SH3D19: variants seen among roughly 807,000 people sequenced by gnomAD.
SH3D19 encodes the protein SH3 domain-containing protein 19.
Under a neutral mutation model 112.1 loss-of-function variants are expected in SH3D19, and 58 were observed. The ratio of observed to expected loss-of-function variants is 0.52; its 90% CI spans 0.42 to 0.64. SH3D19 has a LOEUF of 0.64. Ranked by LOEUF, SH3D19 falls within the 30% of genes least tolerant of loss-of-function variation. SH3D19 has a pLI of 0.00. For synonymous variants in SH3D19, 391 were observed against 448.5 expected (o/e 0.87, Z 1.62); for missense variants, 1,090 against 1,263.4 (o/e 0.86, Z 2.08).
chr4:151,226,456 C>T (rs1402025438), intron 1 of SH3D19: 3 of 993,208 alleles, frequency 3.0e-6, no homozygotes, highest in East Asian at 2.1e-4. Flanking sequence ...AAAATCATTC[C>T]ATGAATCATG....
chr4:151,294,537 G>A (rs527287114), intron 1 of SH3D19, among the ~76,000 whole-genome samples: 80 of 152,344 alleles, frequency 5.3e-4, no homozygotes, highest in African/African-American at 1.8e-3. Flanking sequence ...CCAGGGGGTG[G>A]TGGGGCAGTT....
At position 151,176,573 on chromosome 4, in the gene SH3D19, T is replaced by C. The variant is rs1579973992; in HGVS notation, c.490A>G (p.Thr164Ala). Residue 164 changes from threonine to alanine, a missense_variant, in exon 6 of 20, where the codon ACT (threonine) becomes GCT (alanine). Physicochemically the swap from Thr to Ala is moderately conservative, Grantham distance 58. Transcript: ENST00000604030. ...TTGTCTATTTCTTCTGAAAAGTCAG[T>C]CTGAGTTGCAGAAGTAATAGTGTGC... is the stretch of plus-strand genomic sequence containing the variant. Reference protein sequence around the residue: ...PRHTITSATQTDFSEEIDNDL... With the variant: ...PRHTITSATQADFSEEIDNDL... The C allele has an allele frequency of 8.1e-7, 1 of 1,232,152 alleles. No homozygotes were observed. The highest frequency in any genetic ancestry group is 3.2e-5 in the East Asian group (1 of 31,708). 76.3% of individuals were successfully genotyped at this position (1,232,152 alleles called of 1,614,324 possible).
intron 9 of SH3D19, 122 bp downstream of exon 9, chr4:151,159,118 T>G: frequency 1.9e-6 from 1 of 520,498 alleles, no homozygotes; most frequent in Non-Finnish European, 3.3e-6. Context: ...GAGACTGGTC[T>G]CTAATAGAGG....
At chr4:151,249,890 AT>A (rs1282693843) in intron 1 of SH3D19, among the ~76,000 whole-genome samples, 1 of 152,190 alleles carries the variant, frequency 6.6e-6, no homozygotes, top group Admixed American at 6.5e-5. Flanking sequence ...ATATATTCCT[AT>A]TTTCTAATTC....
intron 19 of SH3D19, among the ~76,000 whole-genome samples, chr4:151,122,963 T>A (rs529399657): frequency 2.0e-5 from 3 of 150,310 alleles, no homozygotes; most frequent in African/African-American, 7.3e-5. Context: ...ACAATTCTCC[T>A]GCCTTAGCCT....
chr4:151,296,989 T>C (rs1775757333), intron 1 of SH3D19, among the ~76,000 whole-genome samples: 1 of 152,238 alleles, frequency 6.6e-6, no homozygotes. Context: ...CGACAGTGAA[T>C]GTTTTCTTTT....
chr4:151,234,931 G>A (rs1286889707), intron 1 of SH3D19, among the ~76,000 whole-genome samples: 1 of 151,284 alleles, frequency 6.6e-6, no homozygotes, highest in Non-Finnish European at 1.5e-5. Flanking sequence ...TTTTTTTCTT[G>A]TAGACATGGA....
chr4:151,289,909 A>G (rs1775156677), intron 1 of SH3D19, among the ~76,000 whole-genome samples: 1 of 152,198 alleles, frequency 6.6e-6, no homozygotes, highest in Non-Finnish European at 1.5e-5. Flanking sequence ...GGGAGACCCC[A>G]TCTCTAAATA....
chr4:151,192,859 C>T (rs1762855401), intron 2 of SH3D19, among the ~76,000 whole-genome samples: 1 of 152,090 alleles, frequency 6.6e-6, no homozygotes, highest in Non-Finnish European at 1.5e-5. Context: ...ACAAATCCCA[C>T]AAAAAAGTTC....
At chr4:151,189,983 G>A (rs1033837972) in intron 2 of SH3D19, among the ~76,000 whole-genome samples, 8 of 152,282 alleles carry the variant, frequency 5.3e-5, no homozygotes, top group African/African-American at 1.9e-4. Flanking sequence ...CCAAAATGCT[G>A]ATAATGATAT....
chr4:151,305,177 A>G (rs1460023224), intron 1 of SH3D19, among the ~76,000 whole-genome samples: 1 of 152,256 alleles, frequency 6.6e-6, no homozygotes, highest in Non-Finnish European at 1.5e-5. Flanking sequence ...CTGTTACATT[A>G]TAATATTCAA....
intron 2 of SH3D19, among the ~76,000 whole-genome samples, chr4:151,214,638 AC>A (rs770627876): frequency 0.61 from 11,903 of 19,484 alleles, 4,311 homozygotes; most frequent in Non-Finnish European, 0.85. Flanking sequence ...CGGGGGGCTG[AC>A]CCCCCCCACC....
chr4:151,125,382 T>A (rs1748980732), intron 19 of SH3D19, among the ~76,000 whole-genome samples: 1 of 150,696 alleles, frequency 6.6e-6, no homozygotes, highest in Admixed American at 6.6e-5. Context: ...GAGAATCGCT[T>A]GAGCCCAGGA....
chr4:151,126,750 A>T (rs1749446944), intron 19 of SH3D19, among the ~76,000 whole-genome samples: 1 of 146,242 alleles, frequency 6.8e-6, no homozygotes, highest in African/African-American at 2.5e-5. Flanking sequence ...GTGAGCCGAG[A>T]TCGCCCCACT....
intron 11 of SH3D19, among the ~76,000 whole-genome samples, chr4:151,147,323 T>C (rs1481011463): frequency 6.6e-6 from 1 of 152,134 alleles, no homozygotes; most frequent in Non-Finnish European, 1.5e-5. Flanking sequence ...GTTACTCCCA[T>C]TAGTATAACC....
At chr4:151,282,960 A>G (rs1040975967) in intron 1 of SH3D19, among the ~76,000 whole-genome samples, 1 of 152,228 alleles carries the variant, frequency 6.6e-6, no homozygotes, top group Non-Finnish European at 1.5e-5. Context: ...TTTAGATTTA[A>G]GTGTACCAAA....
At chr4:151,238,536 T>C (rs1301947184) in intron 1 of SH3D19, among the ~76,000 whole-genome samples, 1 of 152,190 alleles carries the variant, frequency 6.6e-6, no homozygotes, top group Non-Finnish European at 1.5e-5. Flanking sequence ...TACCTTTGTG[T>C]AGCTGACCCT....
intron 4 of SH3D19, among the ~76,000 whole-genome samples, chr4:151,177,339 G>GTTA (rs967352924): frequency 2.0e-5 from 3 of 152,086 alleles, no homozygotes; most frequent in Non-Finnish European, 2.9e-5. Context: ...TTGTTTTTCT[G>GTTA]TTATTATTAT....
chr4:151,267,374 A>G (rs974088112), intron 1 of SH3D19, among the ~76,000 whole-genome samples: 3 of 151,544 alleles, frequency 2.0e-5, no homozygotes, highest in African/African-American at 7.3e-5. Flanking sequence ...ATACCAAATT[A>G]CCTCCGTTCA....
Sources: gnomAD v4.1 joint callset for allele counts (sites outside exome capture counted in the v4.1 genomes callset) on GRCh38, gnomAD v4.1.1 for gene constraint, MANE v1.5 for transcripts, NCBI Gene and HGNC (gene_info 2026-07-23, HGNC 2026-07-21) for gene names.